IL15: variants seen among roughly 807,000 people sequenced by gnomAD.
The protein encoded by IL15 is interleukin 15.
Under a neutral mutation model 19.6 loss-of-function variants are expected in IL15, and 11 were observed. The observed-to-expected ratio is 0.56, with a 90% confidence interval of 0.35 to 0.93. The LOEUF (loss-of-function observed/expected upper bound fraction) is 0.93, where lower values mean the gene tolerates loss of function less well. Ranked by LOEUF, IL15 falls within the 40% of genes least tolerant of loss-of-function variation. The probability of loss-of-function intolerance (pLI) is 0.01; values close to 1 mark genes in which losing one functional copy is unlikely to be tolerated. For synonymous variants in IL15, 58 were observed against 59.6 expected (o/e 0.97, Z 0.12); for missense variants, 197 against 186.5 (o/e 1.06, Z -0.33).
chr4:141,688,728 A>G (rs1236745664), intron 2 of IL15: 1 of 152,350 alleles, frequency 6.6e-6, no homozygotes, highest in Non-Finnish European at 1.5e-5. Flanking sequence ...TCTGTCTGCC[A>G]GAGTCCTTTT....
At chr4:141,654,804 T>C (rs970860774) in intron 1 of IL15, among the ~76,000 whole-genome samples, 9 of 152,162 alleles carry the variant, frequency 5.9e-5, no homozygotes, top group Admixed American at 5.2e-4. Flanking sequence ...AGCTTTTTAT[T>C]AAAATATAAA....
At chr4:141,675,253 A>C (rs1728304324) in intron 2 of IL15, among the ~76,000 whole-genome samples, 1 of 152,234 alleles carries the variant, frequency 6.6e-6, no homozygotes, top group African/African-American at 2.4e-5. Flanking sequence ...TTTTATCATT[A>C]ACTACCATAA....
At chr4:141,705,220 T>C (rs1268468878) in intron 2 of IL15, among the ~76,000 whole-genome samples, 2 of 151,978 alleles carry the variant, frequency 1.3e-5, no homozygotes, top group Admixed American at 6.6e-5. Flanking sequence ...CATTTACTAT[T>C]TTAAACTTCC....
rs902063686 is a variant in IL15 at position 141,656,297 on chromosome 4, T to C, written c.-110T>C. The C allele has an allele frequency of 2.5e-6, 1 of 398,188 alleles. No homozygotes were observed. The highest frequency in any genetic ancestry group is 1.3e-4 in the South Asian group (1 of 7,856). The allele number at this position is 398,188 out of a possible 1,614,324, so 24.7% of individuals were successfully genotyped here. ...TCAATGTTAGCAGATAGCCAGCCCA[T>C]ACAAGATCGTGTAAGTAAAGTTTTA... On this transcript the variant is annotated 5_prime_UTR_variant, in exon 2 of 8. Transcript: ENST00000320650.
At chr4:141,696,237 C>T (rs971833432) in intron 2 of IL15, among the ~76,000 whole-genome samples, 16 of 152,134 alleles carry the variant, frequency 1.1e-4, no homozygotes, top group African/African-American at 3.9e-4. Flanking sequence ...TGAATATCCG[C>T]TGTAGGCATG....
chr4:141,718,766 CTA>C (rs1296919845), intron 2 of IL15: 13 of 152,182 alleles, frequency 8.5e-5, no homozygotes, highest in Admixed American at 7.9e-4. Flanking sequence ...CATGTATATA[CTA>C]TTTTGAAGGG....
Position 141,732,736 on chromosome 4 carries a change from A to G in IL15, c.379-2A>G. ...AATTTAATCTCTCTCTATATTTTGCAGAATGTAACAGAATCTGGATGCAAA... is the reference window on the plus strand; with the variant it reads ...AATTTAATCTCTCTCTATATTTTGCGGAATGTAACAGAATCTGGATGCAAA... On this transcript the variant is annotated splice_acceptor_variant, in intron 7 of 7. Coordinates refer to ENST00000320650, the MANE Select transcript of IL15 (RefSeq NM_000585.5). LOFTEE classifies it high-confidence loss of function. 3 of 1,605,362 alleles carry G rather than the reference A, an allele frequency of 1.9e-6. No homozygotes were observed. The highest frequency in any genetic ancestry group is 2.5e-6 in the Non-Finnish European group (3 of 1,177,902).
intron 7 of IL15, among the ~76,000 whole-genome samples, chr4:141,731,079 A>G (rs1256279767): frequency 6.6e-5 from 10 of 152,138 alleles, no homozygotes; most frequent in Admixed American, 6.5e-4. Flanking sequence ...CTAGGGACAT[A>G]TGTTTAGGCA....
intron 1 of IL15, among the ~76,000 whole-genome samples, chr4:141,637,992 G>A (rs1412256810): frequency 1.3e-5 from 2 of 152,180 alleles, no homozygotes; most frequent in Non-Finnish European, 2.9e-5. Context: ...TTGGAAGGCC[G>A]AGGCGAGAGG....
At chr4:141,721,418 CT>C (rs1414696665) in intron 4 of IL15, 45 of 625,142 alleles carry the variant, frequency 7.2e-5, no homozygotes, top group African/African-American at 4.5e-4. Flanking sequence ...GAGAAAGCTG[CT>C]GCAAGCATAG....
At chr4:141,639,869 A>G (rs188872610) in intron 1 of IL15, among the ~76,000 whole-genome samples, 114 of 152,320 alleles carry the variant, frequency 7.5e-4, no homozygotes, top group African/African-American at 2.6e-3. Flanking sequence ...GTTGAAGGAA[A>G]AATTGTTATT....
chr4:141,719,505 T>C (rs1314788421), intron 3 of IL15, 29 bp downstream of exon 3: 3 of 1,293,810 alleles, frequency 2.3e-6, no homozygotes, highest in East Asian at 4.7e-5. Context: ...GAAAATATCC[T>C]ATGGAATTTC....
intron 2 of IL15, among the ~76,000 whole-genome samples, chr4:141,670,185 G>T (rs948078978): frequency 6.6e-6 from 1 of 151,774 alleles, no homozygotes; most frequent in Non-Finnish European, 1.5e-5. Flanking sequence ...TCATAATTCT[G>T]TGGAAATTAA....
intron 5 of IL15, among the ~76,000 whole-genome samples, chr4:141,725,613 T>C (rs908489778): frequency 1.3e-5 from 2 of 152,154 alleles, no homozygotes; most frequent in African/African-American, 2.4e-5. Flanking sequence ...TAAACACCTA[T>C]TGAAGATAAA....
intron 2 of IL15, among the ~76,000 whole-genome samples, chr4:141,710,017 A>G (rs1248513559): frequency 6.6e-6 from 1 of 152,172 alleles, no homozygotes; most frequent in Non-Finnish European, 1.5e-5. Flanking sequence ...GAAAATCACT[A>G]AAAATCATTA....
In IL15 at chr4:141,688,532, A is replaced by C. The variant is rs545631898; in HGVS notation, c.-99-30834A>C. Among the ~76,000 whole-genome samples, 282 of 152,346 alleles carry C rather than the reference A, an allele frequency of 1.9e-3. 1 individual carries two copies. Among genetic ancestry groups the C allele is most frequent in the African/African-American group, 6.4e-3 (268 of 41,584 alleles). The stretch of plus-strand genomic sequence containing the variant: ...TAGCTGTGACCAATAACCTGAAGCA[A>C]TTAGAAGCCTTTCACTGAAGCCACT... On this transcript the variant is annotated intron_variant, in intron 2 of 7. Coordinates refer to ENST00000320650, the MANE Select transcript of IL15 (RefSeq NM_000585.5).
At chr4:141,730,492 C>T (rs943234351) in intron 7 of IL15, among the ~76,000 whole-genome samples, 5 of 152,154 alleles carry the variant, frequency 3.3e-5, no homozygotes, top group South Asian at 2.1e-4. Flanking sequence ...CTGGATCACT[C>T]GCTTCAGTTC....
chr4:141,685,414 A>C (rs1162017885), intron 2 of IL15, among the ~76,000 whole-genome samples: 9 of 152,192 alleles, frequency 5.9e-5, no homozygotes, highest in Non-Finnish European at 1.3e-4. Flanking sequence ...AACAAACCCT[A>C]AGCTGTGTTT....
intron 2 of IL15, among the ~76,000 whole-genome samples, chr4:141,661,582 G>C (rs1727790088): frequency 6.6e-6 from 1 of 152,140 alleles, no homozygotes; most frequent in South Asian, 2.1e-4. Context: ...TAGTGCCTGG[G>C]ATTTTTCTCC....
Sources: gnomAD v4.1 joint callset for allele counts (sites outside exome capture counted in the v4.1 genomes callset) on GRCh38, gnomAD v4.1.1 for gene constraint, MANE v1.5 for transcripts, NCBI Gene and HGNC (gene_info 2026-07-23, HGNC 2026-07-21) for gene names.